Variants in ABCA4 observed in about 807,000 individuals in gnomAD.
The protein encoded by ABCA4 is ATP binding cassette subfamily A member 4.
ABCA4 carries 196 observed loss-of-function variants against 263.7 expected under a neutral mutation model. The ratio of observed to expected loss-of-function variants is 0.74; its 90% CI spans 0.66 to 0.84. The LOEUF (loss-of-function observed/expected upper bound fraction) is 0.84. ABCA4 is among the 40% of genes least tolerant of loss of function. The probability of loss-of-function intolerance (pLI) is 0.00; values close to 1 mark genes in which losing one functional copy is unlikely to be tolerated. For synonymous variants in ABCA4, 1,133 were observed against 1,094.2 expected (o/e 1.04, Z -0.70); for missense variants, 2,792 against 2,855.1 (o/e 0.98, Z 0.50).
In ABCA4 at chr1:94,015,742, T is replaced by C. The variant is rs760780770; in HGVS notation, c.5309A>G (p.Tyr1770Cys). ...LPALVALLLL[Y>C]GWAVIPMMYP... ...GCTAATGGCCCAAACGGCTTACCCA[T>C]ACAGCAGGAGCAGTGCCACAAGGGC... Residue 1770 changes from tyrosine (Y) to cysteine (C), a missense_variant, in exon 37 of 50, where the codon TAT (tyrosine) becomes TGT (cysteine). Tyr to Cys is a radical substitution (Grantham distance 194, BLOSUM62 -2). Transcript: ENST00000370225. 1 of 1,608,152 alleles carries C rather than the reference T, an allele frequency of 6.2e-7. No individual in the cohort carries two copies. Among genetic ancestry groups the C allele is most frequent in the Non-Finnish European group, 8.5e-7 (1 of 1,175,444 alleles).
Position 94,007,855 on chromosome 1 carries a change from T to C in ABCA4, c.5899-115A>G, listed in dbSNP as rs915413568. ...GAGGAATTTTAGACCTGGGCTGCCA[T>C]CAGAGGCCACGAGCCATATGTGGCT... On this transcript the variant is annotated intron_variant, in intron 42 of 49. Coordinates refer to ENST00000370225, the MANE Select transcript of ABCA4 (RefSeq NM_000350.3). The C allele has an allele frequency of 8.5e-6, 8 of 941,186 alleles. No individual in the cohort carries two copies. The African/African-American group carries it at 1.3e-4, about 15-fold the overall frequency. The allele number at this position is 941,186 out of a possible 1,614,324, so 58.3% of individuals were successfully genotyped here.
chr1:94,075,363 T>C (rs751053136), intron 11 of ABCA4, among the ~76,000 whole-genome samples: 64 of 150,996 alleles, frequency 4.2e-4, no homozygotes, highest in Non-Finnish European at 8.0e-4. Flanking sequence ...AAAAAAAAAA[T>C]CCTGTTTTAT....
At chr1:94,026,180 C>T (rs549352741) in intron 30 of ABCA4, among the ~76,000 whole-genome samples, 3 of 152,128 alleles carry the variant, frequency 2.0e-5, no homozygotes, top group Admixed American at 6.5e-5. Context: ...GCCGTTATTG[C>T]GCACCATTCT....
chr1:94,110,425 T>C (rs1191739480), intron 3 of ABCA4, among the ~76,000 whole-genome samples: 1 of 152,230 alleles, frequency 6.6e-6, no homozygotes, highest in African/African-American at 2.4e-5. Flanking sequence ...GGAAGAATCA[T>C]ACTGAGCTCC....
intron 6 of ABCA4, among the ~76,000 whole-genome samples, chr1:94,085,131 T>C (rs1317997278): frequency 2.0e-5 from 3 of 151,100 alleles, no homozygotes; most frequent in Non-Finnish European, 4.4e-5. Context: ...TTGGGTATGA[T>C]CATAGCATGG....
chr1:94,026,358 G>A (rs1035142050), intron 30 of ABCA4, among the ~76,000 whole-genome samples: 1 of 152,124 alleles, frequency 6.6e-6, no homozygotes, highest in Admixed American at 6.5e-5. Flanking sequence ...CTACATACAC[G>A]ATCTCACTTC....
At position 94,098,962 on chromosome 1, in the gene ABCA4, C is replaced by T. The variant is rs766549392; in HGVS notation, c.600G>A (p.Leu200=). 1 of 1,611,240 alleles carries T rather than the reference C, an allele frequency of 6.2e-7. No homozygotes were observed. Among genetic ancestry groups the T allele is most frequent in the Non-Finnish European group, 8.5e-7 (1 of 1,179,978 alleles). ...QFAHGVPDLA[L]KDIACSEALL... ...GGGCCTCGCTGCAGGCGATGTCCTT[C>T]AGCGCCAGGTCCGGGACTCCATGAG... Residue 200 remains leucine, a synonymous_variant, in exon 6 of 50, where the codon CTG becomes CTA. Coordinates refer to ENST00000370225, the MANE Select transcript of ABCA4 (RefSeq NM_000350.3).
At chr1:94,035,434 C>T (rs562786270) in intron 26 of ABCA4, among the ~76,000 whole-genome samples, 3 of 152,280 alleles carry the variant, frequency 2.0e-5, no homozygotes, top group African/African-American at 7.2e-5. Context: ...ATCTTTTGGT[C>T]ACCATGCGAT....
intron 11 of ABCA4, among the ~76,000 whole-genome samples, chr1:94,067,074 T>A (rs1314865632): frequency 6.6e-6 from 1 of 152,200 alleles, no homozygotes; most frequent in African/African-American, 2.4e-5. Flanking sequence ...TTTGTCATGA[T>A]AGGGCCTCGA....
chr1:94,028,492 CTTAA>C (rs968773198), intron 30 of ABCA4, among the ~76,000 whole-genome samples: 4 of 152,206 alleles, frequency 2.6e-5, no homozygotes, highest in African/African-American at 9.7e-5. Flanking sequence ...TGGAGAGCTT[CTTAA>C]TTAAGACTGT....
chr1:94,116,349 C>T (rs7535005), intron 1 of ABCA4, among the ~76,000 whole-genome samples: 31,383 of 151,906 alleles, frequency 0.21, 3,725 homozygotes, highest in Middle Eastern at 0.32. Context: ...TGAAAACATG[C>T]CGGGGTCTCA....
Position 94,030,520 on chromosome 1 carries a change from A to G in ABCA4, c.4260T>C (p.Asp1420=). Residue 1420 remains aspartate (D), a synonymous_variant, in exon 29 of 50, where the codon GAT becomes GAC. Transcript: ENST00000370225. ...CCGTGAACTGCTCACTGCCTGGTTC[A>G]TCCATGCTAGACAGAGTGAGACATG... ...YGQQYTFFSM[D]EPGSEQFTVL... is the part of the protein sequence containing the mutation. The G allele has an allele frequency of 6.2e-7, 1 of 1,614,202 alleles. No individual in the cohort carries two copies. The highest frequency in any genetic ancestry group is 1.3e-5 in the African/African-American group (1 of 75,050).
At chr1:94,009,839 G>A (rs1184343085) in intron 40 of ABCA4, among the ~76,000 whole-genome samples, 1 of 152,166 alleles carries the variant, frequency 6.6e-6, no homozygotes, top group Non-Finnish European at 1.5e-5. Context: ...CCTCTAAAAG[G>A]TATGGCCAAG....
At chr1:94,118,629 A>C (rs901658117) in intron 1 of ABCA4, among the ~76,000 whole-genome samples, 2 of 152,224 alleles carry the variant, frequency 1.3e-5, no homozygotes, top group Non-Finnish European at 2.9e-5. Context: ...GAGGCGTGCC[A>C]GACAGAAATC....
At chr1:94,086,794 T>C (rs1260768817) in intron 6 of ABCA4, among the ~76,000 whole-genome samples, 2 of 152,196 alleles carry the variant, frequency 1.3e-5, no homozygotes, top group African/African-American at 2.4e-5. Context: ...TGGCAGCACT[T>C]GGAGAACACC....
In ABCA4 at chr1:94,111,557, C is replaced by G. The variant is rs750987349; in HGVS notation, c.183G>C (p.Met61Ile). 5.0e-6 allele frequency: 8 copies of G among 1,614,120 alleles called. No individual in the cohort carries two copies. Residue 61 changes from methionine to isoleucine, a missense_variant, in exon 3 of 50, where the codon ATG becomes ATC. Physicochemically the swap from Met to Ile is conservative, Grantham distance 10 (BLOSUM62 1). Transcript: ENST00000370225. ...GCCACGGCAGCATTCCTGCTGAGGG[C>G]ATCGCCTTGTTGGGGAAATGGCCTT... The part of the protein sequence containing the change: ...HHECHFPNKA[M>I]PSAGMLPWLQ...
intron 18 of ABCA4, among the ~76,000 whole-genome samples, chr1:94,047,378 T>C (rs1660715266): frequency 6.6e-6 from 1 of 152,224 alleles, no homozygotes; most frequent in Non-Finnish European, 1.5e-5. Context: ...CTCATTTCCA[T>C]AGTCCAGGAA....
At chr1:94,113,378 T>G (rs188344133) in intron 1 of ABCA4, among the ~76,000 whole-genome samples, 1 of 152,390 alleles carries the variant, frequency 6.6e-6, no homozygotes, top group East Asian at 1.9e-4. Context: ...GCTGTCACTA[T>G]GCACATGAAT....
intron 44 of ABCA4, among the ~76,000 whole-genome samples, chr1:94,002,867 C>T (rs985454447): frequency 4.0e-5 from 6 of 148,882 alleles, no homozygotes; most frequent in African/African-American, 1.0e-4. Flanking sequence ...ATCTACAGAT[C>T]GTCTATCCCT....
Sources: gnomAD v4.1 joint callset for allele counts (sites outside exome capture counted in the v4.1 genomes callset) on GRCh38, gnomAD v4.1.1 for gene constraint, MANE v1.5 for transcripts, NCBI Gene and HGNC (gene_info 2026-07-23, HGNC 2026-07-21) for gene names.